SHANK1: variants seen among roughly 807,000 people sequenced by gnomAD.
SHANK1 encodes SH3 and multiple ankyrin repeat domains 1, also known as SH3 and multiple ankyrin repeat domains protein 1.
Under a neutral mutation model 165.6 loss-of-function variants are expected in SHANK1, and 35 were observed. The ratio of observed to expected loss-of-function variants is 0.21; its 90% confidence interval spans 0.16 to 0.28. The LOEUF is 0.28. Ranked by LOEUF, SHANK1 falls within the 10% of genes least tolerant of loss-of-function variation. SHANK1 has a pLI of 1.00. For missense variants in SHANK1, 2,681 were observed against 3,036.4 expected (o/e 0.88, Z 2.75); for synonymous variants, 1,428 against 1,384.8 (o/e 1.03, Z -0.69).
chr19:50,706,691 C>T (rs779920854), intron 8 of SHANK1, among the ~76,000 whole-genome samples: 1 of 151,824 alleles, frequency 6.6e-6, no homozygotes, highest in Non-Finnish European at 1.5e-5. Context: ...GCACAAATGC[C>T]GCCTCTTCAG....
intron 22 of SHANK1, among the ~76,000 whole-genome samples, chr19:50,669,622 T>C (rs1985717253): frequency 6.6e-6 from 1 of 152,150 alleles, no homozygotes; most frequent in South Asian, 2.1e-4. Flanking sequence ...TGGCTGGAGC[T>C]GGGAAGGGAT....
chr19:50,708,371 C>G (rs2088969974), intron 8 of SHANK1, among the ~76,000 whole-genome samples: 2 of 152,168 alleles, frequency 1.3e-5, no homozygotes, highest in African/African-American at 4.8e-5. Flanking sequence ...GAGTTGATGG[C>G]TCCCTCCCCT....
chr19:50,703,982 C>T, intron 10 of SHANK1, 138 bp downstream of exon 10: 1 of 897,592 alleles, frequency 1.1e-6, no homozygotes, highest in Non-Finnish European at 1.8e-6. Context: ...CCCCCACCAC[C>T]ATCCAGACAT....
chr19:50,667,602 G>A lies in SHANK1; in HGVS notation c.4358C>T (p.Pro1453Leu), dbSNP rs1985591538. The change falls in exon 23 of 24, where the codon CCC becomes CTC. Residue 1453 changes from proline to leucine, a missense_variant. Physicochemically the swap from Pro to Leu is moderately conservative, Grantham distance 98. This residue lies in a region of SHANK1 where 1,713 missense variants were observed against 1,630.2 expected (regional missense o/e 1.05). Coordinates refer to ENST00000293441, the MANE Select transcript of SHANK1 (RefSeq NM_016148.5). The surrounding 1 kb of genome is among the most constrained non-coding windows in gnomAD (Gnocchi z 5.7). ...SLLHRLPPTA[P>L]GVGPLLLQLG... ...CTGCAGCAGGAGGGGCCCCACCCCG[G>A]GAGCGGTGGGCGGCAGGCGGTGTAG... is the stretch of plus-strand genomic sequence containing the variant. The A allele has an allele frequency of 1.4e-6, 2 of 1,438,318 alleles. No homozygotes were observed. The highest frequency in any genetic ancestry group is 5.7e-5 in the Admixed American group (2 of 34,940). The allele number at this position is 1,438,318 out of a possible 1,614,324, so 89.1% of individuals were successfully genotyped here.
At chr19:50,696,332 A>C (rs921915575) in intron 15 of SHANK1, among the ~76,000 whole-genome samples, 2 of 152,060 alleles carry the variant, frequency 1.3e-5, no homozygotes, top group Non-Finnish European at 2.9e-5. Context: ...AAACACGCAC[A>C]ACGGTCAAGC....
chr19:50,666,335 G>A lies in SHANK1; in HGVS notation c.5625C>T (p.Ser1875=). ...TVKASIISEL[S]SKLQQFGGSS... is the part of the protein sequence containing the mutation. ...AGCCCCCAAACTGCTGAAGCTTGGA[G>A]CTGAGTTCACTGATGATGCTGGCTT... The change falls in exon 23 of 24, where the codon AGC becomes AGT. Residue 1875 remains serine (S), a synonymous_variant. Transcript: ENST00000293441. 1 of 1,613,834 alleles carries A rather than the reference G, an allele frequency of 6.2e-7. No homozygotes were observed.
Position 50,688,729 on chromosome 19 carries a change from G to A in SHANK1, c.2172+115C>T. 2.8e-6 allele frequency: 3 copies of A among 1,075,410 alleles called. No homozygotes were observed. Among genetic ancestry groups the A allele is most frequent in the Non-Finnish European group, 4.0e-6 (3 of 747,476 alleles). The allele number at this position is 1,075,410 out of a possible 1,614,324, so 66.6% of individuals were successfully genotyped here. On this transcript the variant is annotated intron_variant, in intron 17 of 23. Transcript: ENST00000293441. This position sits in a 1 kb window ranked among gnomAD's most constrained non-coding sequence, Gnocchi z 6.7. ...CTGGCTGGGGGGTGGGCAGGGGGCT[G>A]GGAATCCTGGTGCCAAAGGAGAATA...
chr19:50,704,427 A>G lies in SHANK1; in HGVS notation c.1155+10T>C, dbSNP rs760624533. ...CTGGAAACTCCAGCACATCCCCTGC[A>G]GCCCCAGACCTGGAAGGGGGTCTGT... On this transcript the variant is annotated intron_variant, in intron 9 of 23. Coordinates refer to ENST00000293441, the MANE Select transcript of SHANK1 (RefSeq NM_016148.5). The G allele has an allele frequency of 2.5e-6, 4 of 1,613,398 alleles. No individual in the cohort carries two copies. Among genetic ancestry groups the G allele is most frequent in the East Asian group, 2.2e-5 (1 of 44,858 alleles).
chr19:50,701,071 C>T (rs1348131356), intron 12 of SHANK1, among the ~76,000 whole-genome samples: 2 of 152,096 alleles, frequency 1.3e-5, no homozygotes, highest in Non-Finnish European at 2.9e-5. Context: ...TTCTGACCCC[C>T]GAATACCCTT....
rs191255424 is a variant in SHANK1 at position 50,681,673 on chromosome 19, C to T, written c.2577+4564G>A. 7.2e-5 allele frequency among the ~76,000 whole-genome samples: 11 copies of T among 152,290 alleles called. No homozygotes were observed. The South Asian group carries it at 1.0e-3, about 14-fold the overall frequency. On this transcript the variant is annotated intron_variant, in intron 21 of 23. Transcript: ENST00000293441. The stretch of plus-strand genomic sequence containing the variant: ...TCAGAGATTTACACTCAGTCTGATA[C>T]GCTATTGTGGGGTCTCTGGTGTTGC...
chr19:50,671,754 G>C (rs1321514103), intron 22 of SHANK1, among the ~76,000 whole-genome samples: 1 of 152,090 alleles, frequency 6.6e-6, no homozygotes, highest in African/African-American at 2.4e-5. Context: ...GGGGGCTTTA[G>C]CTCACTGCAT....
chr19:50,708,082 G>A (rs894730722), intron 8 of SHANK1, among the ~76,000 whole-genome samples: 9 of 151,874 alleles, frequency 5.9e-5, no homozygotes, highest in Non-Finnish European at 1.0e-4. Context: ...AAGTAGCTGG[G>A]ATTACAGGTG....
chr19:50,702,384 G>T lies in SHANK1; in HGVS notation c.1747+83C>A. On this transcript the variant is annotated intron_variant, in intron 12 of 23. Coordinates refer to ENST00000293441, the MANE Select transcript of SHANK1 (RefSeq NM_016148.5). This position sits in a 1 kb window ranked among gnomAD's most constrained non-coding sequence, Gnocchi z 5.3. ...TGCATGAGATACTCCAGGTGCCCGA[G>T]AATGGTCTGCTCTCTGCTCCACATT... 7.8e-7 allele frequency: 1 copy of T among 1,277,980 alleles called. No individual in the cohort carries two copies. The highest frequency in any genetic ancestry group is 1.1e-6 in the Non-Finnish European group (1 of 933,502). 79.2% of individuals were successfully genotyped at this position (1,277,980 alleles called of 1,614,324 possible). A position where few individuals can be genotyped will look rare whatever the true frequency, so the allele number is the denominator to read the frequency against.
rs1985735967 is a variant in SHANK1, at chr19:50,670,027, T to TC, written c.2675-743dup. Among the ~76,000 whole-genome samples, 1 of 152,158 alleles carries TC rather than the reference T, an allele frequency of 6.6e-6. No individual in the cohort carries two copies. Among genetic ancestry groups the TC allele is most frequent in the South Asian group, 2.1e-4 (1 of 4,828 alleles). ...AGCTTCATTCACTGCCTTTCTGCTG[T>TC]CGACGCCCACGTTTATGCCTGGGGC... On this transcript the variant is annotated intron_variant, in intron 22 of 23. Transcript: ENST00000293441. This position sits in a 1 kb window ranked among gnomAD's most constrained non-coding sequence, Gnocchi z 4.1.
chr19:50,714,190 T>C lies in SHANK1; in HGVS notation c.632A>G (p.Asp211Gly). 6.2e-7 allele frequency: 1 copy of C among 1,614,032 alleles called. No individual in the cohort carries two copies. Among genetic ancestry groups the C allele is most frequent in the Non-Finnish European group, 8.5e-7 (1 of 1,179,954 alleles). Residue 211 changes from aspartate to glycine, a missense_variant, in exon 5 of 24, where the codon GAT becomes GGT. Asp to Gly is a moderately conservative substitution (Grantham distance 94, BLOSUM62 -1). This residue lies in a region of SHANK1 where 189 missense variants were observed against 440.9 expected (regional missense o/e 0.43). Coordinates refer to ENST00000293441, the MANE Select transcript of SHANK1 (RefSeq NM_016148.5). ...KGLDPNYHDSDSGETPLTLAA... is the reference protein window; with the variant it reads ...KGLDPNYHDSGSGETPLTLAA... Reference sequence around the variant, plus strand: ...TGCGCACCCCTCCCTACCTCCCGAATCCGAGTCATGGTAATTGGGGTCCAG... The same window carrying C: ...TGCGCACCCCTCCCTACCTCCCGAACCCGAGTCATGGTAATTGGGGTCCAG...
At chr19:50,671,953 T>A in intron 22 of SHANK1, 65 bp downstream of exon 22, 1 of 1,224,534 alleles carries the variant, frequency 8.2e-7, no homozygotes, top group Non-Finnish European at 1.2e-6. Context: ...GTCTGCTTGC[T>A]TTTCCTGAAC....
At chr19:50,705,282 C>T (rs1402892727) in intron 8 of SHANK1, among the ~76,000 whole-genome samples, 4 of 151,790 alleles carry the variant, frequency 2.6e-5, no homozygotes, top group African/African-American at 9.7e-5. Flanking sequence ...GTGGAGGTTG[C>T]AGTGAGCCGA....
In SHANK1 at chr19:50,661,955, A is replaced by G; in HGVS notation, c.*10T>C. 1.2e-6 allele frequency: 2 copies of G among 1,613,132 alleles called. No individual in the cohort carries two copies. The highest frequency in any genetic ancestry group is 1.7e-6 in the Non-Finnish European group (2 of 1,179,856). On this transcript the variant is annotated 3_prime_UTR_variant, in exon 24 of 24. Transcript: ENST00000293441. ...TTCTGTGGACGGGGCTGGTCCGTCC[A>G]GGCCAGCCATCACCTCTCCAGGAAG...
intron 12 of SHANK1, among the ~76,000 whole-genome samples, 198 bp from the exon 13 acceptor site, chr19:50,698,154 A>G (rs1055655882): frequency 2.6e-5 from 4 of 151,834 alleles, no homozygotes; most frequent in Admixed American, 2.0e-4. Context: ...TCTGGATCCA[A>G]TAAGGATGAC....
Sources: gnomAD v4.1 joint callset for allele counts (sites outside exome capture counted in the v4.1 genomes callset) on GRCh38, gnomAD v4.1.1 for gene constraint, gnomAD v4.1.1 regional missense constraint, Gnocchi (gnomAD v3.1) non-coding constraint, MANE v1.5 for transcripts, NCBI Gene and HGNC (gene_info 2026-07-23, HGNC 2026-07-21) for gene names.